ADARB2: variants seen among roughly 807,000 people sequenced by gnomAD.
The protein encoded by ADARB2 is adenosine deaminase RNA specific B2 (inactive), also known as inactive double-stranded RNA-specific editase B2.
In ADARB2, 25 loss-of-function variants were observed where a neutral mutation model predicts 62.2. The observed-to-expected ratio is 0.40, with a 90% confidence interval of 0.29 to 0.56. The LOEUF is 0.56. Among genes scored for constraint, ADARB2 ranks in the 20% least tolerant of loss-of-function variants. ADARB2 has a pLI of 0.43. For missense variants in ADARB2, 1,071 were observed against 1,077.4 expected, an observed-to-expected ratio of 0.99 and a Z score of 0.08; for synonymous variants, 572 against 500.8, an observed-to-expected ratio of 1.14 and a Z score of -1.90.
intron 1 of ADARB2, among the ~76,000 whole-genome samples, chr10:1,410,706 C>T (rs1421562781): frequency 1.3e-5 from 2 of 152,194 alleles, no homozygotes; most frequent in African/African-American, 4.8e-5. Context: ...TGAAGACCCC[C>T]TGTCCTCCTT....
chr10:1,231,656 T>C (rs1830805271), intron 6 of ADARB2, among the ~76,000 whole-genome samples: 1 of 152,152 alleles, frequency 6.6e-6, no homozygotes, highest in East Asian at 1.9e-4. Context: ...TTTTCTTCAT[T>C]CCCAGTTTGA....
In ADARB2 at chr10:1,233,764, G is replaced by T; in HGVS notation, c.1443C>A (p.Phe481Leu). 2 of 1,614,014 alleles carry T rather than the reference G, an allele frequency of 1.2e-6. No homozygotes were observed. Among genetic ancestry groups the T allele is most frequent in the South Asian group, 2.2e-5 (2 of 91,052 alleles). ...GGYRLRENIL[F>L]HLYVSTSPCG... is the part of the protein sequence containing the mutation. ...AGGGGGAGGTGCTCACGTAGAGATG[G>T]AAGAGGATGTTCTCTCGCAGCCGGT... Residue 481 changes from phenylalanine to leucine, a missense_variant, in exon 6 of 10, where the codon TTC (phenylalanine) becomes TTA (leucine). Phe to Leu is a conservative substitution (Grantham distance 22, BLOSUM62 0). Transcript: ENST00000381312.
At position 1,633,576 on chromosome 10, in the gene ADARB2, C is replaced by CTATCTATCTATCTATCTATCTATCTA. The variant is rs1564353143; in HGVS notation, c.100+103449_100+103474dup. ...TCTATCTATCTATCTATCTATCTAT[C>CTATCTATCTATCTATCTATCTATCTA]TATCTATCTATCTATCTATCTATCT... On this transcript the variant is annotated intron_variant, in intron 1 of 9. Coordinates refer to ENST00000381312, the MANE Select transcript of ADARB2 (RefSeq NM_018702.4). 4.1e-5 allele frequency among the ~76,000 whole-genome samples: 6 copies of CTATCTATCTATCTATCTATCTATCTA among 145,320 alleles called. No homozygotes were observed. In the East Asian group the frequency reaches 5.9e-4, roughly 14 times the overall value.
At chr10:1,492,879 C>T (rs1831640683) in intron 1 of ADARB2, among the ~76,000 whole-genome samples, 1 of 152,044 alleles carries the variant, frequency 6.6e-6, no homozygotes, top group Admixed American at 6.6e-5. Flanking sequence ...CATGAGAGGC[C>T]TGGGAGAGCT....
At chr10:1,277,696 T>A (rs1044851585) in intron 3 of ADARB2, among the ~76,000 whole-genome samples, 2 of 152,152 alleles carry the variant, frequency 1.3e-5, no homozygotes, top group Non-Finnish European at 2.9e-5. Context: ...CTGGTACCAT[T>A]CCTTCTGAAA....
At chr10:1,695,767 GGT>G (rs747107841) in intron 1 of ADARB2, among the ~76,000 whole-genome samples, 2 of 152,162 alleles carry the variant, frequency 1.3e-5, no homozygotes, top group Non-Finnish European at 1.5e-5. Flanking sequence ...TGCATGTGTA[GGT>G]GTGTCTGTGC....
intron 1 of ADARB2, among the ~76,000 whole-genome samples, chr10:1,611,431 G>A (rs992010826): frequency 6.6e-6 from 1 of 152,212 alleles, no homozygotes; most frequent in Non-Finnish European, 1.5e-5. Flanking sequence ...GAAAGCAGCT[G>A]CCTGGATGAA....
chr10:1,279,145 G>T (rs1053348203), intron 3 of ADARB2, among the ~76,000 whole-genome samples: 1 of 152,196 alleles, frequency 6.6e-6, no homozygotes. Flanking sequence ...CGTTCTTAAT[G>T]GTTCTGAAAG....
chr10:1,466,483 C>T (rs780980199), intron 1 of ADARB2, among the ~76,000 whole-genome samples: 1 of 152,166 alleles, frequency 6.6e-6, no homozygotes, highest in Non-Finnish European at 1.5e-5. Flanking sequence ...GTCCTTGCGA[C>T]GGCCGCACAC....
rs369854965 is a variant in ADARB2, at chr10:1,708,780, C to T, written c.100+28271G>A. Among the ~76,000 whole-genome samples the T allele has an allele frequency of 5.9e-5, 9 of 152,348 alleles. No homozygotes were observed. In the South Asian group the frequency reaches 1.9e-3, roughly 32 times the overall value. ...TGTACACACAGAAGCACTTGGCACACACCACGTCACCATCACATATGAAAT... is the reference window on the plus strand; with the variant it reads ...TGTACACACAGAAGCACTTGGCACATACCACGTCACCATCACATATGAAAT... On this transcript the variant is annotated intron_variant, in intron 1 of 9. Transcript: ENST00000381312.
At chr10:1,629,138 G>A (rs752483820) in intron 1 of ADARB2, among the ~76,000 whole-genome samples, 1 of 152,164 alleles carries the variant, frequency 6.6e-6, no homozygotes, top group Non-Finnish European at 1.5e-5. Flanking sequence ...ATGTTCCTTG[G>A]AAGTTTAGGT....
chr10:1,522,454 C>A (rs1409867763), intron 1 of ADARB2, among the ~76,000 whole-genome samples: 1 of 152,170 alleles, frequency 6.6e-6, no homozygotes, highest in African/African-American at 2.4e-5. Flanking sequence ...GCCTTTCCTG[C>A]AAACCAGAAA....
intron 3 of ADARB2, among the ~76,000 whole-genome samples, chr10:1,287,562 C>T (rs556276375): frequency 2.6e-5 from 4 of 152,162 alleles, no homozygotes; most frequent in Non-Finnish European, 4.4e-5. Flanking sequence ...TCTCCATTTC[C>T]GTGAGAGTTC....
intron 1 of ADARB2, among the ~76,000 whole-genome samples, chr10:1,668,173 C>T (rs925719973): frequency 2.0e-5 from 3 of 152,304 alleles, no homozygotes; most frequent in Admixed American, 6.5e-5. Flanking sequence ...CCCCACTGGC[C>T]GCTGGTGCAT....
At chr10:1,515,865 T>C (rs572128394) in intron 1 of ADARB2, among the ~76,000 whole-genome samples, 2 of 152,376 alleles carry the variant, frequency 1.3e-5, no homozygotes, top group South Asian at 4.1e-4. Flanking sequence ...TCTTTGATTC[T>C]TCTTTGTGAG....
chr10:1,578,496 GT>G (rs1453500067), intron 1 of ADARB2, among the ~76,000 whole-genome samples: 6 of 152,338 alleles, frequency 3.9e-5, no homozygotes, highest in Non-Finnish European at 8.8e-5. Context: ...GCTGGGAGCT[GT>G]GCTGGTGCAA....
chr10:1,347,665 C>T (rs1250164838), intron 3 of ADARB2, among the ~76,000 whole-genome samples: 1 of 152,192 alleles, frequency 6.6e-6, no homozygotes. Context: ...CTCAGTAAGA[C>T]CACGGGTGCC....
At chr10:1,318,981 A>G (rs1831770964) in intron 3 of ADARB2, among the ~76,000 whole-genome samples, 1 of 152,232 alleles carries the variant, frequency 6.6e-6, no homozygotes, top group Admixed American at 6.5e-5. Flanking sequence ...TCGTCTGCTT[A>G]TAACTCCATC....
chr10:1,664,722 T>C (rs560524699), intron 1 of ADARB2, among the ~76,000 whole-genome samples: 1 of 152,224 alleles, frequency 6.6e-6, no homozygotes, highest in East Asian at 1.9e-4. Flanking sequence ...TTCTCAAAGA[T>C]CACAGTCAGC....
Sources: allele counts gnomAD v4.1 joint callset (sites outside exome capture counted in the v4.1 genomes callset), GRCh38; gene constraint gnomAD v4.1.1; transcripts MANE v1.5; gene names NCBI Gene and HGNC (gene_info 2026-07-23, HGNC 2026-07-21).